Variants in PXDNL observed in about 807,000 individuals in gnomAD.
The protein encoded by PXDNL is peroxidasin like.
PXDNL carries 145 observed loss-of-function variants against 150.8 expected under a neutral mutation model. The ratio of observed to expected loss-of-function variants is 0.96; its 90% CI spans 0.84 to 1.10. The LOEUF is 1.10. Among genes scored for constraint, PXDNL ranks in the 50% least tolerant of loss-of-function variants. PXDNL has a pLI of 0.00. For synonymous variants in PXDNL, 757 were observed against 725.7 expected, an observed-to-expected ratio of 1.04 and a Z score of -0.69; for missense variants, 2,087 against 1,873.9, an observed-to-expected ratio of 1.11 and a Z score of -2.10.
At chr8:51,719,592 AC>A (rs1816687169) in intron 1 of PXDNL, among the ~76,000 whole-genome samples, 2 of 151,364 alleles carry the variant, frequency 1.3e-5, no homozygotes, top group Non-Finnish European at 2.9e-5. Flanking sequence ...TTGTCCTATG[AC>A]CCTGCCAAAT....
At chr8:51,577,995 GAAAGAGGAAGGAAGGAAGGAAGGAAGGA>G (rs1813111971) in intron 3 of PXDNL, among the ~76,000 whole-genome samples, 2 of 47,828 alleles carry the variant, frequency 4.2e-5, no homozygotes, top group African/African-American at 1.7e-4. Context: ...AAGAAAGAAA[GAAAGAGGAAGGAAGGAAGGAAGGAAGGA>G]AGGAAGGAAG....
intron 3 of PXDNL, among the ~76,000 whole-genome samples, chr8:51,575,666 G>A (rs558503830): frequency 6.6e-6 from 1 of 152,152 alleles, no homozygotes; most frequent in African/African-American, 2.4e-5. Context: ...AGTGAGCAGA[G>A]ATCACACCAT....
At position 51,809,262 on chromosome 8, in the gene PXDNL, C is replaced by T; in HGVS notation, c.83G>A (p.Cys28Tyr). 1 of 1,607,054 alleles carries T rather than the reference C, an allele frequency of 6.2e-7. No homozygotes were observed. ...CLPGLPCPSR[C>Y]LCFKSTVRCM... ...GCGGACGGTGCTCTTAAAGCAAAGG[C>T]ACCGGCTGGGGCAGGGCAACCCTGG... Residue 28 changes from cysteine (C) to tyrosine (Y), a missense_variant, in exon 1 of 23, where the codon TGC (cysteine) becomes TAC (tyrosine). Cys to Tyr is a radical substitution (Grantham distance 194). Transcript: ENST00000356297.
intron 19 of PXDNL, among the ~76,000 whole-genome samples, chr8:51,358,274 A>AG (rs1182499926): frequency 6.6e-6 from 1 of 152,194 alleles, no homozygotes; most frequent in Non-Finnish European, 1.5e-5. Flanking sequence ...AAAAGACAGG[A>AG]GGGGGCTAGC....
chr8:51,442,246 T>C (rs7833120), intron 12 of PXDNL, among the ~76,000 whole-genome samples: 29,373 of 150,198 alleles, frequency 0.2, 3,641 homozygotes, highest in African/African-American at 0.35. Flanking sequence ...TCTAATATAC[T>C]GTCTGGGTAC....
At chr8:51,348,770 A>T (rs112437738) in intron 19 of PXDNL, among the ~76,000 whole-genome samples, 1 of 152,110 alleles carries the variant, frequency 6.6e-6, no homozygotes, top group Admixed American at 6.6e-5. Flanking sequence ...TATCTTCCCT[A>T]TTGTTAACCT....
At chr8:51,493,662 T>C (rs1357605814) in intron 5 of PXDNL, among the ~76,000 whole-genome samples, 1 of 152,064 alleles carries the variant, frequency 6.6e-6, no homozygotes, top group Non-Finnish European at 1.5e-5. Context: ...GATTTGATCA[T>C]GTGGAAGAAA....
intron 1 of PXDNL, among the ~76,000 whole-genome samples, chr8:51,774,943 A>C (rs2129244671): frequency 6.6e-6 from 1 of 152,360 alleles, no homozygotes; most frequent in South Asian, 2.1e-4. Context: ...TACATGATAC[A>C]TTTTAAAGTT....
chr8:51,735,569 C>A (rs1330918130), intron 1 of PXDNL, among the ~76,000 whole-genome samples: 2 of 54,722 alleles, frequency 3.7e-5, no homozygotes, highest in African/African-American at 7.8e-5. Flanking sequence ...TTTTTTGAGA[C>A]GGAGTCTCGC....
chr8:51,335,349 T>C (rs1017862037), intron 21 of PXDNL, among the ~76,000 whole-genome samples: 1 of 152,264 alleles, frequency 6.6e-6, no homozygotes, highest in East Asian at 1.9e-4. Context: ...GGCACTGATA[T>C]AAGATTTGGA....
intron 2 of PXDNL, among the ~76,000 whole-genome samples, chr8:51,621,943 CAAAA>C (rs71237221): frequency 7.8e-6 from 1 of 128,204 alleles, no homozygotes; most frequent in Admixed American, 8.0e-5. Context: ...GACCCTGTCT[CAAAA>C]AAAAAAAAAA....
Position 51,320,043 on chromosome 8 carries a change from A to G in PXDNL, c.4261-21T>C, listed in dbSNP as rs377765004. 2.4e-3 allele frequency: 3,356 copies of G among 1,416,144 alleles called. 4 individuals carry two copies. The highest frequency in any genetic ancestry group is 2.8e-3 in the Non-Finnish European group (3,019 of 1,077,596). The allele number at this position is 1,416,144 out of a possible 1,614,324, so 87.7% of individuals were successfully genotyped here. A position where few individuals can be genotyped will look rare whatever the true frequency, so the allele number is the denominator to read the frequency against. ...CCACTCTGAAAGGCAGCATGCACAT[A>G]TCACCTCCATGTTTCTTATAATCAA... On this transcript the variant is annotated intron_variant, in intron 22 of 22. Transcript: ENST00000356297.
intron 17 of PXDNL, among the ~76,000 whole-genome samples, chr8:51,375,682 C>A (rs1001774527): frequency 2.0e-5 from 3 of 152,160 alleles, no homozygotes; most frequent in African/African-American, 7.2e-5. Flanking sequence ...TTTAGTTACA[C>A]TGGTGATGAA....
At chr8:51,529,841 G>A (rs1025163154) in intron 4 of PXDNL, among the ~76,000 whole-genome samples, 2 of 152,126 alleles carry the variant, frequency 1.3e-5, no homozygotes, top group Non-Finnish European at 2.9e-5. Context: ...CTTCTTCTAG[G>A]CCAGGCACTA....
intron 19 of PXDNL, among the ~76,000 whole-genome samples, chr8:51,368,514 GA>G (rs1417162053): frequency 6.7e-6 from 1 of 150,262 alleles, no homozygotes; most frequent in East Asian, 1.9e-4. Flanking sequence ...TTATTCGTGG[GA>G]AACAAAAAAT....
intron 18 of PXDNL, among the ~76,000 whole-genome samples, chr8:51,374,348 C>G (rs1158659216): frequency 6.6e-6 from 1 of 152,212 alleles, no homozygotes; most frequent in Non-Finnish European, 1.5e-5. Context: ...AGCCTTCATC[C>G]TCTCAATCGC....
At chr8:51,650,317 T>C (rs1815006806) in intron 2 of PXDNL, among the ~76,000 whole-genome samples, 1 of 152,178 alleles carries the variant, frequency 6.6e-6, no homozygotes, top group African/African-American at 2.4e-5. Context: ...TATTTACTAA[T>C]TGGAAGTTTC....
At chr8:51,410,854 A>C (rs771202264) in intron 16 of PXDNL, among the ~76,000 whole-genome samples, 3 of 152,240 alleles carry the variant, frequency 2.0e-5, no homozygotes, top group Non-Finnish European at 4.4e-5. Flanking sequence ...AAATATTATA[A>C]GTGGTAGAAG....
At chr8:51,468,611 T>C (rs1446163303) in intron 8 of PXDNL, among the ~76,000 whole-genome samples, 2 of 151,982 alleles carry the variant, frequency 1.3e-5, no homozygotes, top group African/African-American at 4.8e-5. Context: ...AGTTATTTTA[T>C]ATTTTCTCTT....
Sources: gnomAD v4.1 joint callset for allele counts (sites outside exome capture counted in the v4.1 genomes callset) on GRCh38, gnomAD v4.1.1 for gene constraint, MANE v1.5 for transcripts, NCBI Gene and HGNC (gene_info 2026-07-23, HGNC 2026-07-21) for gene names.